The following AKAP8 variants were observed in gnomAD, a reference collection of about 807,000 sequenced individuals.
AKAP8 encodes A-kinase anchor protein 8.
Under a neutral mutation model 67.5 loss-of-function variants are expected in AKAP8, and 24 were observed. The observed-to-expected ratio is 0.36, with a 90% CI of 0.26 to 0.50. AKAP8 has a LOEUF of 0.50. AKAP8 is among the 20% of genes least tolerant of loss of function. The pLI, the probability that AKAP8 is intolerant of heterozygous loss-of-function variation, is 0.97. For missense variants in AKAP8, 971 were observed against 955.9 expected, an observed-to-expected ratio of 1.02 and a Z score of -0.21; for synonymous variants, 400 against 371.1, an observed-to-expected ratio of 1.08 and a Z score of -0.90.
Position 15,354,646 on chromosome 19 carries a change from C to A in AKAP8, c.*269G>T. On this transcript the variant is annotated 3_prime_UTR_variant, in exon 14 of 14. Transcript: ENST00000269701. ...TATCATCAAGATATAATCACCCAAC[C>A]TTTATTATTCCAAGTGCACTACTGT... 2.1e-6 allele frequency: 1 copy of A among 484,132 alleles called. No individual in the cohort carries two copies. The highest frequency in any genetic ancestry group is 3.5e-5 in the South Asian group (1 of 28,746). 30.0% of individuals were successfully genotyped at this position (484,132 alleles called of 1,614,324 possible).
At chr19:15,357,797 T>C (rs1208602905) in intron 13 of AKAP8, among the ~76,000 whole-genome samples, 5 of 136,414 alleles carry the variant, frequency 3.7e-5, no homozygotes, top group Non-Finnish European at 7.7e-5. Flanking sequence ...CACTGCAACC[T>C]CCGCCTCCTG....
chr19:15,376,636 A>G (rs1967257510), intron 2 of AKAP8, among the ~76,000 whole-genome samples: 1 of 152,152 alleles, frequency 6.6e-6, no homozygotes, highest in Admixed American at 6.5e-5. Context: ...TAGAGAAAAA[A>G]CACCTCGGAT....
chr19:15,366,082 GTTTCTTT>G (rs1300294490), intron 9 of AKAP8, among the ~76,000 whole-genome samples: 1 of 60,030 alleles, frequency 1.7e-5, no homozygotes, highest in Non-Finnish European at 2.9e-5. Context: ...CACTCTGAAG[GTTTCTTT>G]TTTTTTTTTT....
Position 15,362,166 on chromosome 19 carries a change from CTT to C in AKAP8, c.1244_1245del (p.Lys415ArgfsTer27). The part of the protein sequence containing the change: ...IQKHLQSKFH[K>X]ETLRFISTKL... Reference sequence around the variant, plus strand: ...TTGGTGCTTATGAACCGCAGGGTCTCTTTGTGAAATTTGCTTTGCAGATGCTT... The same window carrying C: ...TTGGTGCTTATGAACCGCAGGGTCTCTGTGAAATTTGCTTTGCAGATGCTT... On this transcript the variant is annotated frameshift_variant, in exon 10 of 14. Transcript: ENST00000269701. LOFTEE classifies it high-confidence loss of function. 4 of 1,614,112 alleles carry C rather than the reference CTT, an allele frequency of 2.5e-6. No homozygotes were observed. The highest frequency in any genetic ancestry group is 3.4e-6 in the Non-Finnish European group (4 of 1,180,020).
intron 10 of AKAP8, 100 bp downstream of exon 10, chr19:15,362,010 C>G: frequency 2.0e-6 from 3 of 1,516,822 alleles, no homozygotes; most frequent in South Asian, 2.5e-5. Context: ...GAAAGGAAAC[C>G]TTGGCCAAGT....
Position 15,372,236 on chromosome 19 carries a change from C to T in AKAP8, c.973G>A (p.Gly325Arg), listed in dbSNP as rs367556124. ...GACATACCATTTTCGGAGAAATCTC[C>T]TTCACTGTCAACCCGGGCCAGTTTG... is the stretch of plus-strand genomic sequence containing the variant. ...DTKLARVDSE[G>R]DFSENDDAAG... Residue 325 changes from glycine (G) to arginine (R), a missense_variant, in exon 6 of 14, where the codon GGA (glycine) becomes AGA (arginine). By Grantham distance (125) the Gly-to-Arg change is moderately radical. Transcript: ENST00000269701. 18 of 1,614,118 alleles carry T rather than the reference C, an allele frequency of 1.1e-5. No individual in the cohort carries two copies. The highest frequency in any genetic ancestry group is 1.5e-5 in the Non-Finnish European group (18 of 1,180,056).
At chr19:15,362,275 G>T in intron 9 of AKAP8, 24 bp from the exon 10 acceptor site, 1 of 1,613,160 alleles carries the variant, frequency 6.2e-7, no homozygotes. Context: ...ACAAGGAGGG[G>T]AGTGAAGCAG....
chr19:15,369,230 CG>C lies in AKAP8; in HGVS notation c.1073-909del. ...TCCCGGGTAGGTAGCAGGACCTGCGCGCAACAGACATGTCACCTTTGCTTTA... is the reference window on the plus strand; with the variant it reads ...TCCCGGGTAGGTAGCAGGACCTGCGCCAACAGACATGTCACCTTTGCTTTA... On this transcript the variant is annotated intron_variant, in intron 8 of 13. Transcript: ENST00000269701. The surrounding 1 kb of genome is among the most constrained non-coding windows in gnomAD (Gnocchi z 4.6). 2.0e-6 allele frequency: 2 copies of C among 985,524 alleles called. No homozygotes were observed. The highest frequency in any genetic ancestry group is 2.4e-6 in the Non-Finnish European group (2 of 829,972). The allele number at this position is 985,524 out of a possible 1,614,324, so 61.0% of individuals were successfully genotyped here.
At chr19:15,364,073 TA>T (rs1967026265) in intron 9 of AKAP8, among the ~76,000 whole-genome samples, 1 of 10,492 alleles carries the variant, frequency 9.5e-5, no homozygotes, top group Non-Finnish European at 1.8e-4. Flanking sequence ...AATAAATAAA[TA>T]AATAAATAAA....
chr19:15,373,960 C>T lies in AKAP8; in HGVS notation c.197G>A (p.Gly66Asp), dbSNP rs1373184159. The change falls in exon 4 of 14, where the codon GGC (glycine) becomes GAC (aspartate). Residue 66 changes from glycine to aspartate, a missense_variant. By Grantham distance (94) the Gly-to-Asp change is moderately conservative. Around this residue, in one of 3 missense-constraint regions of AKAP8, gnomAD observed 763 missense variants for 745.4 expected, o/e 1.02. Coordinates refer to ENST00000269701, the MANE Select transcript of AKAP8 (RefSeq NM_005858.4). ...ASWEAAKAND[G>D]GLAAGAPAMH... The stretch of plus-strand genomic sequence containing the variant: ...GGCAGGGGCCCCGGCCGCCAGGCCG[C>T]CATCATTGGCCTTGGCGGCCTCCCA... The T allele has an allele frequency of 6.2e-7, 1 of 1,613,784 alleles. No individual in the cohort carries two copies. The highest frequency in any genetic ancestry group is 8.5e-7 in the Non-Finnish European group (1 of 1,179,862).
rs1026858514 is a variant in AKAP8, at chr19:15,379,778, G to C, written c.-47C>G. The C allele has an allele frequency of 1.2e-6, 2 of 1,609,002 alleles. No homozygotes were observed. The highest frequency in any genetic ancestry group is 1.7e-6 in the Non-Finnish European group (2 of 1,178,286). On this transcript the variant is annotated 5_prime_UTR_variant, in exon 1 of 14. Coordinates refer to ENST00000269701, the MANE Select transcript of AKAP8 (RefSeq NM_005858.4). ...CAGCCCCGTTTACTAGGCGACCACA[G>C]CACGCATGCGTTCAGCGCACCTCCG...
intron 9 of AKAP8, 117 bp downstream of exon 9, chr19:15,368,118 G>A (rs1342669177): frequency 1.5e-6 from 2 of 1,367,878 alleles, no homozygotes; most frequent in African/African-American, 1.4e-5. Context: ...CACTGGTTTG[G>A]CCAGAGGAGT....
intron 12 of AKAP8, among the ~76,000 whole-genome samples, chr19:15,360,289 A>T (rs1326226017): frequency 6.6e-6 from 1 of 152,228 alleles, no homozygotes; most frequent in Non-Finnish European, 1.5e-5. Flanking sequence ...CCAGAAAGTG[A>T]CAGGCTGCAG....
rs143239866 is a variant in AKAP8 at position 15,354,021 on chromosome 19, C to CT, written c.*893dup. The CT allele has an allele frequency of 0.21, 31,327 of 148,800 alleles. 4,064 individuals carry two copies. The highest frequency in any genetic ancestry group is 0.42 in the East Asian group (2,136 of 5,102). 9.2% of individuals were successfully genotyped at this position (148,800 alleles called of 1,614,324 possible). ...TGGCAATCACATCAAGTTTTCTTTC[C>CT]TTTTTTTTTAAGAGATGGGGTCTTG... On this transcript the variant is annotated 3_prime_UTR_variant, in exon 14 of 14. Coordinates refer to ENST00000269701, the MANE Select transcript of AKAP8 (RefSeq NM_005858.4).
intron 12 of AKAP8, among the ~76,000 whole-genome samples, chr19:15,360,196 A>C (rs1966943521): frequency 6.6e-6 from 1 of 151,960 alleles, no homozygotes; most frequent in Non-Finnish European, 1.5e-5. Context: ...AAACCAAAAC[A>C]CAGTACTGTG....
intron 7 of AKAP8, 113 bp from the exon 8 acceptor site, chr19:15,370,292 G>A: frequency 4.9e-6 from 6 of 1,222,214 alleles, no homozygotes; most frequent in Non-Finnish European, 7.1e-6. Context: ...GACCTAGGTT[G>A]CTATGCCACC....
In AKAP8 at chr19:15,362,515, G is replaced by A. The variant is rs1217626140; in HGVS notation, c.1161-264C>T. ...TGCGATTGCAGGCGCGCGCCGCCACGCCTGACTGGTTTTCGTATTTTTTTG... is the reference window on the plus strand; with the variant it reads ...TGCGATTGCAGGCGCGCGCCGCCACACCTGACTGGTTTTCGTATTTTTTTG... On this transcript the variant is annotated intron_variant, in intron 9 of 13. Transcript: ENST00000269701. Among the ~76,000 whole-genome samples, 5 of 152,048 alleles carry A rather than the reference G, an allele frequency of 3.3e-5. No homozygotes were observed. In the South Asian group the frequency reaches 6.2e-4, roughly 19 times the overall value.
Position 15,372,842 on chromosome 19 carries a change from AG to A in AKAP8, c.861+8del. The A allele has an allele frequency of 6.7e-7, 1 of 1,491,538 alleles. No homozygotes were observed. The highest frequency in any genetic ancestry group is 8.9e-7 in the Non-Finnish European group (1 of 1,121,984). 92.4% of individuals were successfully genotyped at this position (1,491,538 alleles called of 1,614,324 possible). A position where few individuals can be genotyped will look rare whatever the true frequency, so the allele number is the denominator to read the frequency against. ...GAAGGCGGCCGGAAGGAACCTTGCG[AG>A]GGCTTACCCGATCCCGATCCCGCAT... On this transcript the variant is annotated splice_region_variant and intron_variant, in intron 5 of 13. Coordinates refer to ENST00000269701, the MANE Select transcript of AKAP8 (RefSeq NM_005858.4).
chr19:15,369,319 G>T lies in AKAP8; in HGVS notation c.1072+827C>A, dbSNP rs73926747. The T allele has an allele frequency of 2.1e-4, 204 of 957,114 alleles. No individual in the cohort carries two copies. The highest frequency in any genetic ancestry group is 1.9e-3 in the African/African-American group (108 of 56,766). The allele number at this position is 957,114 out of a possible 1,614,324, so 59.3% of individuals were successfully genotyped here. On this transcript the variant is annotated intron_variant, in intron 8 of 13. Coordinates refer to ENST00000269701, the MANE Select transcript of AKAP8 (RefSeq NM_005858.4). This position sits in a 1 kb window ranked among gnomAD's most constrained non-coding sequence, Gnocchi z 4.6. The stretch of plus-strand genomic sequence containing the variant: ...TGGACAGGACTGCTGCGGGTCGCGG[G>T]GGGGAGGACCGCAGAGGGCTGGCAA...
Sources: allele counts gnomAD v4.1 joint callset (sites outside exome capture counted in the v4.1 genomes callset), GRCh38; gene constraint gnomAD v4.1.1; regional missense constraint gnomAD v4.1.1; non-coding constraint Gnocchi (gnomAD v3.1); transcripts MANE v1.5; gene names NCBI Gene and HGNC (gene_info 2026-07-23, HGNC 2026-07-21).